Variants in ZNF469 observed in about 807,000 individuals in gnomAD.
ZNF469 encodes zinc finger protein 469.
A neutral mutation model predicts 1.0 loss-of-function variants in ZNF469; 1 was observed. The observed-to-expected ratio is 1.00, with a 90% confidence interval of 0.35 to 4.73. The LOEUF is 4.73. Ranked by LOEUF, ZNF469 falls within the 30% of genes most tolerant of loss-of-function variation. The probability of loss-of-function intolerance (pLI) is 0.16; values close to 1 mark genes in which losing one functional copy is unlikely to be tolerated. For missense variants in ZNF469, 6,100 were observed against 5,356.3 expected (o/e 1.14, Z -4.33); for synonymous variants, 2,703 against 2,363.4 (o/e 1.14, Z -4.17).
At chr16:88,266,598 TAGA>T in the ZNF469 span, among the ~76,000 whole-genome samples, 7 of 152,312 alleles carry the variant, frequency 4.6e-5, no homozygotes, top group South Asian at 6.2e-4. Flanking sequence ...GGAGAAGCAG[TAGA>T]AGGTTGGTGG....
At chr16:88,208,777 GCGCA>G in the ZNF469 span, among the ~76,000 whole-genome samples, 7 of 129,962 alleles carry the variant, frequency 5.4e-5, no homozygotes, top group African/African-American at 2.0e-4. Context: ...GCGCGTGCGC[GCGCA>G]CACACACACA....
the ZNF469 span, among the ~76,000 whole-genome samples, chr16:88,125,805 A>G: frequency 6.6e-6 from 1 of 152,240 alleles, no homozygotes; most frequent in Non-Finnish European, 1.5e-5. Context: ...TAAATTTCCA[A>G]TTGCTTGTGC....
the ZNF469 span, among the ~76,000 whole-genome samples, chr16:88,136,830 G>A: frequency 6.6e-6 from 1 of 152,324 alleles, no homozygotes; most frequent in Non-Finnish European, 1.5e-5. Context: ...AGCTCAGGTC[G>A]GTGCAGTTTG....
the ZNF469 span, among the ~76,000 whole-genome samples, chr16:88,239,667 GTATATATATATA>G: frequency 3.2e-3 from 90 of 28,206 alleles, 3 homozygotes; most frequent in Non-Finnish European, 5.7e-3. Flanking sequence ...TTTTTTTTTT[GTATATATATATA>G]TATATATATA....
chr16:88,282,415 G>A, the ZNF469 span, among the ~76,000 whole-genome samples: 76 of 152,304 alleles, frequency 5.0e-4, no homozygotes, highest in Middle Eastern at 6.8e-3. Context: ...TGGCGGGGAG[G>A]CTGAGGTCAC....
At chr16:88,210,532 T>A in the ZNF469 span, among the ~76,000 whole-genome samples, 16 of 152,256 alleles carry the variant, frequency 1.1e-4, no homozygotes, top group African/African-American at 3.9e-4. Flanking sequence ...TTCTGACATT[T>A]CCTTCTAGCA....
the ZNF469 span, among the ~76,000 whole-genome samples, chr16:88,187,770 T>C: frequency 6.6e-6 from 1 of 151,528 alleles, no homozygotes; most frequent in Non-Finnish European, 1.5e-5. Context: ...GAATGCTGTA[T>C]TAAAATGCAG....
chr16:88,300,203 C>T, the ZNF469 span, among the ~76,000 whole-genome samples: 1 of 152,148 alleles, frequency 6.6e-6, no homozygotes, highest in Non-Finnish European at 1.5e-5. Context: ...AAAGTTGATT[C>T]TACTCCCAGA....
chr16:88,238,498 T>G, the ZNF469 span, among the ~76,000 whole-genome samples: 1 of 152,120 alleles, frequency 6.6e-6, no homozygotes, highest in Non-Finnish European at 1.5e-5. Context: ...CCAGATAGAC[T>G]CTAGGTAGAC....
At chr16:88,362,625 C>T in the ZNF469 span, among the ~76,000 whole-genome samples, 2 of 152,090 alleles carry the variant, frequency 1.3e-5, no homozygotes, top group East Asian at 1.9e-4. Flanking sequence ...TAATTTGGAT[C>T]ATTATTCCCC....
chr16:88,210,065 A>C, the ZNF469 span, among the ~76,000 whole-genome samples: 299 of 152,370 alleles, frequency 2.0e-3, no homozygotes, highest in Middle Eastern at 6.8e-3. Context: ...GTTCTCAGTG[A>C]CGCTGCTACA....
the ZNF469 span, among the ~76,000 whole-genome samples, chr16:88,322,000 C>G: frequency 6.6e-6 from 1 of 152,266 alleles, no homozygotes; most frequent in Non-Finnish European, 1.5e-5. Context: ...CAGGCCCTGG[C>G]GAGATCTCTG....
intron 1 of ZNF469, among the ~76,000 whole-genome samples, chr16:88,392,050 A>G (rs988851486): frequency 4.6e-5 from 7 of 152,260 alleles, no homozygotes; most frequent in Non-Finnish European, 1.5e-5. Context: ...GCAGGCTACA[A>G]ACTCAAGCTA....
chr16:88,436,965 G>C lies in ZNF469; in HGVS notation c.9495G>C (p.Glu3165Asp). Residue 3165 changes from glutamate (E) to aspartate (D), a missense_variant, in exon 3 of 3, where the codon GAG becomes GAC. Glu to Asp is a conservative substitution (Grantham distance 45). Coordinates refer to ENST00000565624, the MANE Select transcript of ZNF469 (RefSeq NM_001367624.2). ...SRELLRGHLQ[E>D]RHAQSKAGPW... ...AGCTGCTGCGGGGGCACCTGCAGGA[G>C]AGGCACGCGCAGAGCAAGGCCGGGC... 1 of 1,500,414 alleles carries C rather than the reference G, an allele frequency of 6.7e-7. No individual in the cohort carries two copies. The highest frequency in any genetic ancestry group is 8.9e-7 in the Non-Finnish European group (1 of 1,126,060). The allele number at this position is 1,500,414 out of a possible 1,614,324, so 92.9% of individuals were successfully genotyped here. A position where few individuals can be genotyped will look rare whatever the true frequency, so the allele number is the denominator to read the frequency against.
chr16:88,390,574 C>T (rs1487850375), intron 1 of ZNF469, among the ~76,000 whole-genome samples: 2 of 152,250 alleles, frequency 1.3e-5, no homozygotes, highest in Non-Finnish European at 2.9e-5. Flanking sequence ...GCTGACTTTT[C>T]CTGCACTGTC....
chr16:88,411,887 G>C (rs894179583), intron 1 of ZNF469, among the ~76,000 whole-genome samples: 2 of 41,784 alleles, frequency 4.8e-5, no homozygotes, highest in African/African-American at 1.9e-4. Context: ...CATTCTGGGG[G>C]CCTCACAGGG....
rs2142311695 is a variant in ZNF469 at position 88,435,440 on chromosome 16, C to T, written c.7970C>T (p.Ser2657Leu). 2 of 1,550,118 alleles carry T rather than the reference C, an allele frequency of 1.3e-6. No individual in the cohort carries two copies. Among genetic ancestry groups the T allele is most frequent in the Non-Finnish European group, 1.7e-6 (2 of 1,146,992 alleles). ...SILPVSADVI[S>L]DGRGSRPSPA... ...CTTCCAGTCTCTGCTGATGTGATTT[C>T]AGATGGGCGCGGCTCCAGACCATCC... The change falls in exon 3 of 3, where the codon TCA becomes TTA. Residue 2657 changes from serine to leucine, a missense_variant. Coordinates refer to ENST00000565624, the MANE Select transcript of ZNF469 (RefSeq NM_001367624.2).
the ZNF469 span, among the ~76,000 whole-genome samples, chr16:88,124,930 C>G: frequency 6.4e-4 from 97 of 152,342 alleles, no homozygotes; most frequent in Non-Finnish European, 1.1e-3. Flanking sequence ...TTTTAAAATA[C>G]TTTTTGTGTC....
chr16:88,227,864 C>T, the ZNF469 span, among the ~76,000 whole-genome samples: 7 of 152,188 alleles, frequency 4.6e-5, no homozygotes, highest in Admixed American at 2.0e-4. Flanking sequence ...TTCCCCGGCA[C>T]GCAGGTGTAC....
Sources: allele counts gnomAD v4.1 joint callset (sites outside exome capture counted in the v4.1 genomes callset), GRCh38; gene constraint gnomAD v4.1.1; transcripts MANE v1.5; gene names NCBI Gene and HGNC (gene_info 2026-07-23, HGNC 2026-07-21).